KAZN: variants seen among roughly 807,000 people sequenced by gnomAD.
KAZN encodes the protein kazrin.
A neutral mutation model predicts 87.4 loss-of-function variants in KAZN; 40 were observed. That is an observed-to-expected ratio of 0.46 (90% CI 0.36 to 0.60). KAZN has a LOEUF of 0.60. Ranked by LOEUF, KAZN falls within the 20% of genes least tolerant of loss-of-function variation. The probability of loss-of-function intolerance (pLI) is 0.00; values close to 1 mark genes in which losing one functional copy is unlikely to be tolerated. For missense variants in KAZN, 898 were observed against 1,073.9 expected (o/e 0.84, Z 2.29); for synonymous variants, 466 against 458.3 (o/e 1.02, Z -0.22).
At chr1:14,190,145 C>T (rs1460853559) in intron 2 of KAZN, among the ~76,000 whole-genome samples, 1 of 152,122 alleles carries the variant, frequency 6.6e-6, no homozygotes, top group African/African-American at 2.4e-5. Flanking sequence ...ATTAAAAGTA[C>T]ATCAATTCAG....
Position 14,563,874 on chromosome 1 carries a change from C to CTTTTTTTTTTTTTTTTTTTTTTTTTTT in KAZN, c.250-35095_250-35094insTTTTTTTTTTTTTTTTTTTTTTTTTTT, listed in dbSNP as rs540880203. ...TGCACTCAGAGTATGGTTCAAACTCCTTTTTTTTTTTTTTGTCTGAGACAG... is the reference window on the plus strand; with the variant it reads ...TGCACTCAGAGTATGGTTCAAACTCCTTTTTTTTTTTTTTTTTTTTTTTTTTTTTTTTTTTTTTTTTGTCTGAGACAG... On this transcript the variant is annotated intron_variant, in intron 2 of 16. Coordinates refer to the KAZN transcript ENST00000636203. 2.8e-4 allele frequency among the ~76,000 whole-genome samples: 27 copies of CTTTTTTTTTTTTTTTTTTTTTTTTTTT among 97,936 alleles called. 2 individuals carry two copies. Among genetic ancestry groups the CTTTTTTTTTTTTTTTTTTTTTTTTTTT allele is most frequent in the Non-Finnish European group, 4.7e-4 (23 of 49,432 alleles). 64.2% of individuals were successfully genotyped at this position (97,936 alleles called of 152,430 possible). A position where few individuals can be genotyped will look rare whatever the true frequency, so the allele number is the denominator to read the frequency against.
At chr1:14,776,468 G>A (rs190133178) in intron 1 of KAZN, among the ~76,000 whole-genome samples, 268 of 152,252 alleles carry the variant, frequency 1.8e-3, no homozygotes, top group Non-Finnish European at 2.8e-3. Context: ...CCAACTAAGC[G>A]CTCTTCATCC....
In KAZN at chr1:14,472,151, A is replaced by G. The variant is rs146626204; in HGVS notation, c.250-126832A>G. 2.1e-3 allele frequency among the ~76,000 whole-genome samples: 319 copies of G among 152,314 alleles called. 1 individual carries two copies. Among genetic ancestry groups the G allele is most frequent in the Non-Finnish European group, 3.9e-3 (262 of 68,018 alleles). On this transcript the variant is annotated intron_variant, in intron 2 of 16. Coordinates refer to the KAZN transcript ENST00000636203. The stretch of plus-strand genomic sequence containing the variant: ...TTTCATAAGGACACTAATCCCATTC[A>G]TGAGGGCTCTGCCCTCATCACTTAA...
intron 1 of KAZN, among the ~76,000 whole-genome samples, chr1:14,139,316 C>A (rs1645182026): frequency 6.6e-6 from 1 of 152,204 alleles, no homozygotes; most frequent in Non-Finnish European, 1.5e-5. Context: ...ACTGTGTCAT[C>A]ATTCCGGCAA....
At chr1:14,196,010 G>A (rs867805166) in intron 2 of KAZN, among the ~76,000 whole-genome samples, 1 of 152,140 alleles carries the variant, frequency 6.6e-6, no homozygotes, top group African/African-American at 2.4e-5. Context: ...GTCCAAAAAG[G>A]CCTTAAAAAA....
chr1:14,548,129 C>T (rs1253124448), intron 2 of KAZN, among the ~76,000 whole-genome samples: 1 of 151,706 alleles, frequency 6.6e-6, no homozygotes, highest in Admixed American at 6.6e-5. Flanking sequence ...TTCAAAGCCA[C>T]CCTGGGCTGC....
intron 2 of KAZN, among the ~76,000 whole-genome samples, chr1:15,012,420 G>T (rs762653250): frequency 6.6e-6 from 1 of 152,160 alleles, no homozygotes; most frequent in Non-Finnish European, 1.5e-5. Flanking sequence ...GAGTAAGGAT[G>T]GGGGGTTGGA....
chr1:14,711,485 C>T (rs554927628), intron 1 of KAZN, among the ~76,000 whole-genome samples: 9 of 152,296 alleles, frequency 5.9e-5, no homozygotes, highest in African/African-American at 1.2e-4. Flanking sequence ...TGGTTCCCCA[C>T]GCCCTTCCGC....
chr1:14,347,620 C>G (rs867993855), intron 2 of KAZN, among the ~76,000 whole-genome samples: 1 of 152,084 alleles, frequency 6.6e-6, no homozygotes, highest in African/African-American at 2.4e-5. Flanking sequence ...CTGCAGTTGT[C>G]AAAAGAGTGT....
Position 15,104,128 on chromosome 1 carries a change from G to A in KAZN, c.1987G>A (p.Gly663Arg). The A allele has an allele frequency of 6.2e-7, 1 of 1,609,448 alleles. No individual in the cohort carries two copies. Among genetic ancestry groups the A allele is most frequent in the Non-Finnish European group, 8.5e-7 (1 of 1,178,188 alleles). ...GGCCACTGCCCTGGGCATCCCCAGTGGGAAGCACATCCTCCGGAGACACCT... is the reference window on the plus strand; with the variant it reads ...GGCCACTGCCCTGGGCATCCCCAGTAGGAAGCACATCCTCCGGAGACACCT... ...AMATALGIPSGKHILRRHLAE... is the reference protein window; with the variant it reads ...AMATALGIPSRKHILRRHLAE... Residue 663 changes from glycine (G) to arginine (R), a missense_variant, in exon 13 of 15, where the codon GGG becomes AGG. Physicochemically the swap from Gly to Arg is moderately radical, Grantham distance 125. Coordinates refer to ENST00000376030, the MANE Select transcript of KAZN (RefSeq NM_201628.3).
intron 1 of KAZN, among the ~76,000 whole-genome samples, chr1:14,951,103 G>C (rs1460243374): frequency 6.6e-6 from 1 of 152,174 alleles, no homozygotes; most frequent in Non-Finnish European, 1.5e-5. Context: ...CATGTGAAAG[G>C]CTCAGAAAGC....
chr1:14,835,153 T>C (rs754098667), intron 1 of KAZN, among the ~76,000 whole-genome samples: 13 of 152,238 alleles, frequency 8.5e-5, no homozygotes, highest in Non-Finnish European at 1.9e-4. Context: ...CCGAGAGGTA[T>C]TGTAATTCCT....
intron 1 of KAZN, among the ~76,000 whole-genome samples, chr1:14,152,537 T>C (rs1006910453): frequency 6.6e-6 from 1 of 152,242 alleles, no homozygotes; most frequent in South Asian, 2.1e-4. Context: ...TTTTTATGGC[T>C]AACTCGTACT....
At chr1:15,097,896 T>C (rs1640870196) in intron 10 of KAZN, among the ~76,000 whole-genome samples, 1 of 152,174 alleles carries the variant, frequency 6.6e-6, no homozygotes, top group Non-Finnish European at 1.5e-5. Flanking sequence ...GACTTCAAAG[T>C]CAGTTGCCTT....
Position 14,306,377 on chromosome 1 carries a change from C to A in KAZN, c.249+125785C>A, listed in dbSNP as rs557892683. The stretch of plus-strand genomic sequence containing the variant: ...TGCAATTGGCCATTGCTTTGTGATC[C>A]TTACCACTCAGGGCCAATGTGACAG... On this transcript the variant is annotated intron_variant, in intron 2 of 16. Transcript: ENST00000636203. Among the ~76,000 whole-genome samples, 17 of 152,284 alleles carry A rather than the reference C, an allele frequency of 1.1e-4. No homozygotes were observed. The East Asian group carries it at 3.3e-3, about 29-fold the overall frequency.
At chr1:14,358,474 T>G (rs1431240931) in intron 2 of KAZN, among the ~76,000 whole-genome samples, 3 of 152,160 alleles carry the variant, frequency 2.0e-5, no homozygotes, top group Non-Finnish European at 4.4e-5. Context: ...AGCTTTTGAA[T>G]TTGTTTGCTT....
intron 3 of KAZN, among the ~76,000 whole-genome samples, chr1:15,039,005 T>C (rs1170450640): frequency 6.7e-6 from 1 of 149,300 alleles, no homozygotes; most frequent in Non-Finnish European, 1.5e-5. Flanking sequence ...GACATGAATG[T>C]GATATTACCA....
chr1:14,697,806 C>T (rs1641700982), intron 1 of KAZN, among the ~76,000 whole-genome samples: 1 of 152,260 alleles, frequency 6.6e-6, no homozygotes, highest in Non-Finnish European at 1.5e-5. Context: ...CCCCACTGCC[C>T]TATGACTGTG....
chr1:13,911,399 G>A (rs369294360), intron 1 of KAZN, among the ~76,000 whole-genome samples: 1 of 152,090 alleles, frequency 6.6e-6, no homozygotes, highest in Non-Finnish European at 1.5e-5. Context: ...ACTCACTTTC[G>A]GGATCCTGAA....
Sources: gnomAD v4.1 joint callset for allele counts (sites outside exome capture counted in the v4.1 genomes callset) on GRCh38, gnomAD v4.1.1 for gene constraint, MANE v1.5 for transcripts, NCBI Gene and HGNC (gene_info 2026-07-23, HGNC 2026-07-21) for gene names.